Variants in UNC5C observed in about 807,000 individuals in gnomAD.
UNC5C encodes netrin receptor UNC5C.
Under a neutral mutation model 99.8 loss-of-function variants are expected in UNC5C, and 47 were observed. The observed-to-expected ratio is 0.47, with a 90% CI of 0.37 to 0.60. The LOEUF (loss-of-function observed/expected upper bound fraction) is 0.60. UNC5C is among the 20% of genes least tolerant of loss of function. The probability of loss-of-function intolerance (pLI) is 0.00; values close to 1 mark genes in which losing one functional copy is unlikely to be tolerated. For missense variants in UNC5C, 1,062 were observed against 1,165.9 expected (o/e 0.91, Z 1.30); for synonymous variants, 487 against 452.2 (o/e 1.08, Z -0.98).
intron 1 of UNC5C, among the ~76,000 whole-genome samples, chr4:95,513,215 G>A (rs1343186981): frequency 6.6e-6 from 1 of 152,186 alleles, no homozygotes; most frequent in Non-Finnish European, 1.5e-5. Context: ...ACTAATGTGG[G>A]CTGCTCTGGT....
chr4:95,168,249 G>A lies in UNC5C; in HGVS notation c.*985C>T, dbSNP rs1225242392. The A allele has an allele frequency of 3.9e-5, 6 of 152,154 alleles. No individual in the cohort carries two copies. The highest frequency in any genetic ancestry group is 7.3e-5 in the Non-Finnish European group (5 of 68,040). The allele number at this position is 152,154 out of a possible 1,614,324, so 9.4% of individuals were successfully genotyped here. A position where few individuals can be genotyped will look rare whatever the true frequency, so the allele number is the denominator to read the frequency against. On this transcript the variant is annotated 3_prime_UTR_variant, in exon 16 of 16. Coordinates refer to ENST00000453304, the MANE Select transcript of UNC5C (RefSeq NM_003728.4). ...ATTTATCAATCACCTTTCTGGGGTGGAATAAGGGAAAGGTAAAAGGTCAAG... is the reference window on the plus strand; with the variant it reads ...ATTTATCAATCACCTTTCTGGGGTGAAATAAGGGAAAGGTAAAAGGTCAAG...
At chr4:95,498,656 C>T (rs1424297495) in intron 1 of UNC5C, among the ~76,000 whole-genome samples, 2 of 151,404 alleles carry the variant, frequency 1.3e-5, no homozygotes, top group African/African-American at 2.4e-5. Context: ...AAAACCCCTT[C>T]TGTTTTATCG....
At chr4:95,393,583 T>C (rs149725497) in intron 1 of UNC5C, among the ~76,000 whole-genome samples, 5 of 152,332 alleles carry the variant, frequency 3.3e-5, no homozygotes, top group Non-Finnish European at 7.3e-5. Flanking sequence ...CATTTCCAAA[T>C]ATTTAATTTT....
intron 1 of UNC5C, among the ~76,000 whole-genome samples, chr4:95,546,451 A>G (rs1240935018): frequency 1.3e-5 from 2 of 152,246 alleles, no homozygotes; most frequent in East Asian, 3.8e-4. Flanking sequence ...GATAACTAAC[A>G]GACAACACAG....
At chr4:95,532,171 A>G (rs1722663240) in intron 1 of UNC5C, among the ~76,000 whole-genome samples, 1 of 152,190 alleles carries the variant, frequency 6.6e-6, no homozygotes, top group Non-Finnish European at 1.5e-5. Context: ...TAATAGTCCC[A>G]AATCACAGGG....
chr4:95,312,614 C>G (rs1401615536), intron 2 of UNC5C, among the ~76,000 whole-genome samples: 1 of 152,018 alleles, frequency 6.6e-6, no homozygotes. Context: ...CAATAAGTAC[C>G]AAAATAAAGA....
chr4:95,237,930 T>A (rs1739181300), intron 7 of UNC5C, among the ~76,000 whole-genome samples: 1 of 152,078 alleles, frequency 6.6e-6, no homozygotes, highest in African/African-American at 2.4e-5. Flanking sequence ...TAATCCCAGC[T>A]ACTCAGGAGG....
chr4:95,279,678 A>G (rs1740984428), intron 3 of UNC5C, among the ~76,000 whole-genome samples: 2 of 152,188 alleles, frequency 1.3e-5, no homozygotes, highest in African/African-American at 4.8e-5. Context: ...GTGAATTTTA[A>G]TAAAAAATTA....
intron 7 of UNC5C, among the ~76,000 whole-genome samples, chr4:95,240,984 T>C (rs1234110598): frequency 6.6e-6 from 1 of 151,214 alleles, no homozygotes; most frequent in Non-Finnish European, 1.5e-5. Flanking sequence ...ATTGAAATAG[T>C]ACATTGAGAG....
At chr4:95,354,632 C>T (rs1378810792) in intron 1 of UNC5C, among the ~76,000 whole-genome samples, 1 of 151,650 alleles carries the variant, frequency 6.6e-6, no homozygotes, top group Non-Finnish European at 1.5e-5. Flanking sequence ...CAGGCATGCA[C>T]CACTATGCCT....
intron 2 of UNC5C, among the ~76,000 whole-genome samples, chr4:95,303,117 T>C (rs1741935849): frequency 1.3e-5 from 2 of 152,084 alleles, no homozygotes; most frequent in Admixed American, 6.5e-5. Context: ...CCACAGAGAA[T>C]AGTGGCATGA....
intron 2 of UNC5C, among the ~76,000 whole-genome samples, chr4:95,333,444 C>A (rs1198593624): frequency 6.6e-6 from 1 of 151,894 alleles, no homozygotes; most frequent in Non-Finnish European, 1.5e-5. Flanking sequence ...AATTGGAAAT[C>A]ATCATTCTCA....
At chr4:95,405,312 C>A (rs922163876) in intron 1 of UNC5C, among the ~76,000 whole-genome samples, 1 of 152,210 alleles carries the variant, frequency 6.6e-6, no homozygotes, top group Non-Finnish European at 1.5e-5. Flanking sequence ...CATACTCCCC[C>A]TCACGGAAGG....
Position 95,483,456 on chromosome 4 carries a change from C to T in UNC5C, c.124+65278G>A, listed in dbSNP as rs145806136. On this transcript the variant is annotated intron_variant, in intron 1 of 15. Transcript: ENST00000453304. ...GCTTTTCATGTTAATAATGAGTCTG[C>T]CCACTAGAAATCTTAAATGTACTAC... 6.2e-3 allele frequency among the ~76,000 whole-genome samples: 936 copies of T among 151,756 alleles called. 6 individuals are homozygous for T. Among genetic ancestry groups the T allele is most frequent in the African/African-American group, 0.022 (898 of 41,454 alleles).
intron 4 of UNC5C, among the ~76,000 whole-genome samples, chr4:95,254,323 C>T (rs779436438): frequency 7.2e-5 from 11 of 152,180 alleles, no homozygotes; most frequent in Non-Finnish European, 1.6e-4. Flanking sequence ...ACCTTATCCT[C>T]TAAGGTCACA....
In UNC5C at chr4:95,335,524, G is replaced by T; in HGVS notation, c.232C>A (p.Pro78Thr). The T allele has an allele frequency of 6.2e-7, 1 of 1,612,290 alleles. No homozygotes were observed. The highest frequency in any genetic ancestry group is 8.5e-7 in the Non-Finnish European group (1 of 1,178,866). The change falls in exon 2 of 16, where the codon CCC (proline) becomes ACC (threonine). Residue 78 changes from proline to threonine, a missense_variant. Coordinates refer to ENST00000453304, the MANE Select transcript of UNC5C (RefSeq NM_003728.4). ...CTTGCTTTACAGTACAGGTTCACGG[G>T]CTTATTCTTCACAATATAAGCTTCT... ...PEEAYIVKNK[P>T]VNLYCKASPA...
chr4:95,292,298 C>CTT (rs1403005395), intron 3 of UNC5C, among the ~76,000 whole-genome samples: 1 of 144,390 alleles, frequency 6.9e-6, no homozygotes. Flanking sequence ...GAGATGGAGT[C>CTT]TTGCTCTGTC....
chr4:95,402,380 T>A (rs950026851), intron 1 of UNC5C, among the ~76,000 whole-genome samples: 3 of 152,242 alleles, frequency 2.0e-5, no homozygotes, highest in African/African-American at 7.2e-5. Flanking sequence ...GTGTGGGCTC[T>A]GTGATCAAGC....
At chr4:95,373,329 C>G (rs553540506) in intron 1 of UNC5C, among the ~76,000 whole-genome samples, 1 of 152,124 alleles carries the variant, frequency 6.6e-6, no homozygotes, top group South Asian at 2.1e-4. Context: ...ACATTTTCTC[C>G]CTCCCATAAT....
Sources: allele counts gnomAD v4.1 joint callset (sites outside exome capture counted in the v4.1 genomes callset), GRCh38; gene constraint gnomAD v4.1.1; transcripts MANE v1.5; gene names NCBI Gene and HGNC (gene_info 2026-07-23, HGNC 2026-07-21).